SAE1: variants seen among roughly 807,000 people sequenced by gnomAD.
The protein encoded by SAE1 is SUMO-activating enzyme subunit 1.
In SAE1, 11 loss-of-function variants were observed where a neutral mutation model predicts 40.6. The observed-to-expected ratio is 0.27, with a 90% CI of 0.17 to 0.45. The LOEUF is 0.45. SAE1 is among the 20% of genes least tolerant of loss of function. The pLI, the probability that SAE1 is intolerant of heterozygous loss-of-function variation, is 1.00. For missense variants in SAE1, 373 were observed against 427.3 expected (o/e 0.87, Z 1.12); for synonymous variants, 155 against 154.3 (o/e 1.00, Z -0.03).
intron 6 of SAE1, among the ~76,000 whole-genome samples, chr19:47,186,256 A>AT (rs2058544104): frequency 6.6e-6 from 1 of 151,916 alleles, no homozygotes; most frequent in East Asian, 2.0e-4. Flanking sequence ...AAAAATAAAA[A>AT]AAAAATAATA....
chr19:47,174,246 G>C (rs2058453907), intron 6 of SAE1, among the ~76,000 whole-genome samples: 1 of 150,160 alleles, frequency 6.7e-6, no homozygotes, highest in Non-Finnish European at 1.5e-5. Context: ...TTTGGATATG[G>C]TAATCAAAAC....
In SAE1 at chr19:47,168,496, G is replaced by A. The variant is rs143925583; in HGVS notation, c.628-1322G>A. Among the ~76,000 whole-genome samples, 334 of 152,182 alleles carry A rather than the reference G, an allele frequency of 2.2e-3. 3 individuals carry two copies. The highest frequency in any genetic ancestry group is 7.5e-3 in the African/African-American group (312 of 41,536). ...CTTGTAGAGATTGGGGTCTCACTTT[G>A]TTGCCCAGGCTGTTATTTGACTCCT... is the stretch of plus-strand genomic sequence containing the variant. On this transcript the variant is annotated intron_variant, in intron 5 of 8. Transcript: ENST00000270225.
intron 8 of SAE1, among the ~76,000 whole-genome samples, chr19:47,206,697 A>G (rs1214802652): frequency 6.6e-6 from 1 of 152,180 alleles, no homozygotes; most frequent in African/African-American, 2.4e-5. Flanking sequence ...AGGGTCTAAG[A>G]GTTCCACCTG....
At chr19:47,202,406 A>G (rs1020874216) in intron 7 of SAE1, among the ~76,000 whole-genome samples, 5 of 151,340 alleles carry the variant, frequency 3.3e-5, no homozygotes, top group African/African-American at 7.3e-5. Flanking sequence ...TCCTGCCTCA[A>G]CCTCCTGAGT....
In SAE1 at chr19:47,153,026, G is replaced by T; in HGVS notation, c.513G>T (p.Glu171Asp). 1 of 1,612,592 alleles carries T rather than the reference G, an allele frequency of 6.2e-7. No homozygotes were observed. The highest frequency in any genetic ancestry group is 8.5e-7 in the Non-Finnish European group (1 of 1,179,312). Residue 171 changes from glutamate (E) to aspartate (D), a missense_variant, in exon 4 of 9, where the codon GAG becomes GAT. By Grantham distance (45) the Glu-to-Asp change is conservative. This residue lies in a region of SAE1 where 351 missense variants were observed against 390.6 expected (regional missense o/e 0.90). Coordinates refer to ENST00000270225, the MANE Select transcript of SAE1 (RefSeq NM_005500.3). The part of the protein sequence containing the change: ...YHGYTFANLG[E>D]HEFVEEKTKV... ...GATACACATTTGCCAATCTAGGAGA[G>T]CATGAGTTTGTAGAGTAAGTGTTGG...
intron 6 of SAE1, among the ~76,000 whole-genome samples, chr19:47,193,415 A>C (rs1340751108): frequency 6.6e-6 from 1 of 152,124 alleles, no homozygotes; most frequent in Non-Finnish European, 1.5e-5. Context: ...TGAGGGTTGC[A>C]GAAGCTGTGT....
At chr19:47,160,348 A>ACT (rs1457024217) in intron 5 of SAE1, among the ~76,000 whole-genome samples, 6 of 142,724 alleles carry the variant, frequency 4.2e-5, no homozygotes, top group Non-Finnish European at 7.5e-5. Context: ...TAGCCTTCCG[A>ACT]GTAGCTGGAA....
At position 47,169,736 on chromosome 19, in the gene SAE1, T is replaced by C. The variant is rs1423608117; in HGVS notation, c.628-82T>C. ...CAGTAAACTTTAAATAATGAGATTTTTCTGCAATAGAGAAGAGCAACTGCC... is the reference window on the plus strand; with the variant it reads ...CAGTAAACTTTAAATAATGAGATTTCTCTGCAATAGAGAAGAGCAACTGCC... On this transcript the variant is annotated intron_variant, in intron 5 of 8. Coordinates refer to ENST00000270225, the MANE Select transcript of SAE1 (RefSeq NM_005500.3). 9 of 893,228 alleles carry C rather than the reference T, an allele frequency of 1.0e-5. No homozygotes were observed. In the Admixed American group the frequency reaches 1.8e-4, roughly 18 times the overall value. 55.3% of individuals were successfully genotyped at this position (893,228 alleles called of 1,614,324 possible). A position where few individuals can be genotyped will look rare whatever the true frequency, so the allele number is the denominator to read the frequency against.
At chr19:47,151,009 C>T (rs926707560) in intron 3 of SAE1, among the ~76,000 whole-genome samples, 1 of 152,130 alleles carries the variant, frequency 6.6e-6, no homozygotes, top group Middle Eastern at 3.2e-3. Flanking sequence ...ACCTTTCAGA[C>T]ATAGTTCCCT....
At chr19:47,198,084 CAT>C (rs1190930354) in intron 7 of SAE1, among the ~76,000 whole-genome samples, 5 of 152,098 alleles carry the variant, frequency 3.3e-5, no homozygotes, top group African/African-American at 1.2e-4. Flanking sequence ...GAGAAGACCA[CAT>C]AGTGACTAGG....
rs935721452 is a variant in SAE1, at chr19:47,185,922, G to C, written c.734-11311G>C. 3.3e-5 allele frequency among the ~76,000 whole-genome samples: 5 copies of C among 149,412 alleles called. No homozygotes were observed. The East Asian group carries it at 1.1e-3, about 31-fold the overall frequency. On this transcript the variant is annotated intron_variant, in intron 6 of 8. Transcript: ENST00000270225. ...AAGCCCCCAAAATCTGAAATGTTTTGAGTGCCGACATAACACTCAAAAAAA... is the reference window on the plus strand; with the variant it reads ...AAGCCCCCAAAATCTGAAATGTTTTCAGTGCCGACATAACACTCAAAAAAA...
chr19:47,187,352 C>T (rs1481847120), intron 6 of SAE1, among the ~76,000 whole-genome samples: 1 of 152,174 alleles, frequency 6.6e-6, no homozygotes, highest in Non-Finnish European at 1.5e-5. Context: ...TGAGGACAGA[C>T]ATGGTGCCCT....
chr19:47,198,080 A>G (rs1353972600), intron 7 of SAE1, among the ~76,000 whole-genome samples: 1 of 150,844 alleles, frequency 6.6e-6, no homozygotes. Flanking sequence ...ATTGGAGAAG[A>G]CCACATAGTG....
chr19:47,182,496 T>TGTGCGC (rs143321323), intron 6 of SAE1, among the ~76,000 whole-genome samples: 3,914 of 145,946 alleles, frequency 0.027, 160 homozygotes, highest in African/African-American at 0.093. Flanking sequence ...TGTGTGTGTG[T>TGTGCGC]GCGCGCACGC....
Position 47,164,389 on chromosome 19 carries a change from C to G in SAE1, c.628-5429C>G, listed in dbSNP as rs142119470. Among the ~76,000 whole-genome samples, 612 of 151,790 alleles carry G rather than the reference C, an allele frequency of 4.0e-3. 6 individuals are homozygous for G. Among genetic ancestry groups the G allele is most frequent in the African/African-American group, 0.014 (568 of 41,388 alleles). On this transcript the variant is annotated intron_variant, in intron 5 of 8. Coordinates refer to ENST00000270225, the MANE Select transcript of SAE1 (RefSeq NM_005500.3). ...TCACCGTGTTAGCTAGGATGGTCTC[C>G]ATCTGCTGACCTCGTGATCCGCCCG...
At chr19:47,184,508 T>TAAAGCGATTCTCCTGCCTC (rs2058531155) in intron 6 of SAE1, among the ~76,000 whole-genome samples, 1 of 151,972 alleles carries the variant, frequency 6.6e-6, no homozygotes, top group Non-Finnish European at 1.5e-5. Context: ...CCTCCTGGGT[T>TAAAGCGATTCTCCTGCCTC]CAAGCGATTC....
intron 6 of SAE1, among the ~76,000 whole-genome samples, chr19:47,189,699 A>G (rs1026081320): frequency 3.9e-5 from 6 of 152,170 alleles, no homozygotes; most frequent in Non-Finnish European, 8.8e-5. Context: ...TGAAGTTTTG[A>G]TATAGATTCA....
At chr19:47,166,679 A>G (rs1160654384) in intron 5 of SAE1, among the ~76,000 whole-genome samples, 1 of 152,174 alleles carries the variant, frequency 6.6e-6, no homozygotes, top group Non-Finnish European at 1.5e-5. Flanking sequence ...CCTGCCTGGT[A>G]ATACTGTGTT....
intron 6 of SAE1, among the ~76,000 whole-genome samples, chr19:47,188,840 C>T (rs923405454): frequency 3.9e-5 from 6 of 152,252 alleles, no homozygotes; most frequent in African/African-American, 1.2e-4. Context: ...GTACAGAGGA[C>T]GGGACAGGCA....
Sources: allele counts gnomAD v4.1 joint callset (sites outside exome capture counted in the v4.1 genomes callset), GRCh38; gene constraint gnomAD v4.1.1; regional missense constraint gnomAD v4.1.1; transcripts MANE v1.5; gene names NCBI Gene and HGNC (gene_info 2026-07-23, HGNC 2026-07-21).